Variants in RALYL observed in about 807,000 individuals in gnomAD.
RALYL encodes the protein RNA-binding Raly-like protein.
RALYL carries 29 observed loss-of-function variants against 35.1 expected under a neutral mutation model. That is an observed-to-expected ratio of 0.83 (90% confidence interval 0.61 to 1.13). The LOEUF (loss-of-function observed/expected upper bound fraction) is 1.13, where lower values mean the gene tolerates loss of function less well. RALYL is among the 50% of genes most tolerant of loss of function. RALYL has a pLI of 0.00. For synonymous variants in RALYL, 120 were observed against 127.6 expected (o/e 0.94, Z 0.40); for missense variants, 359 against 360.4 (o/e 1.00, Z 0.03).
intron 1 of RALYL, among the ~76,000 whole-genome samples, chr8:84,469,356 C>G (rs1226650812): frequency 6.6e-5 from 10 of 152,038 alleles, no homozygotes; most frequent in Non-Finnish European, 8.8e-5. Context: ...AGTTTTCCTT[C>G]TAACAGAGAG....
At chr8:84,444,238 A>G (rs2133041318) in intron 1 of RALYL, among the ~76,000 whole-genome samples, 1 of 152,194 alleles carries the variant, frequency 6.6e-6, no homozygotes, top group African/African-American at 2.4e-5. Context: ...CTGAGGCGGG[A>G]GGATCCCTTG....
At chr8:84,812,384 G>A (rs1221241179) in intron 4 of RALYL, among the ~76,000 whole-genome samples, 2 of 152,134 alleles carry the variant, frequency 1.3e-5, no homozygotes, top group African/African-American at 4.8e-5. Context: ...GTGGTTTAAT[G>A]CTCTATTTTT....
chr8:84,223,209 C>CTCCCT lies in RALYL; in HGVS notation c.-24+38819_-24+38823dup, dbSNP rs57387257. ...CCTTCCCTTCCCTTCCCTTCCATTC[C>CTCCCT]TCCCTTCCCTTCCCTTCCCTTCCCT... On this transcript the variant is annotated intron_variant, in intron 1 of 8. Coordinates refer to ENST00000521268, the MANE Select transcript of RALYL (RefSeq NM_173848.7). Among the ~76,000 whole-genome samples the CTCCCT allele has an allele frequency of 7.2e-3, 642 of 88,870 alleles. 19 individuals are homozygous for CTCCCT. The highest frequency in any genetic ancestry group is 0.013 in the Middle Eastern group (2 of 160). The allele number at this position is 88,870 out of a possible 152,430, so 58.3% of individuals were successfully genotyped here. A position where few individuals can be genotyped will look rare whatever the true frequency, so the allele number is the denominator to read the frequency against.
In RALYL at chr8:84,404,911, ATTC is replaced by A. The variant is rs1456211351; in HGVS notation, c.-23-124383_-23-124381del. The stretch of plus-strand genomic sequence containing the variant: ...TCCACCCCAAATCAACAGACCATAC[ATTC>A]TTCTCAGCACAACATAACACTTATT... On this transcript the variant is annotated intron_variant, in intron 1 of 8. Coordinates refer to ENST00000521268, the MANE Select transcript of RALYL (RefSeq NM_173848.7). 9.2e-5 allele frequency among the ~76,000 whole-genome samples: 14 copies of A among 152,290 alleles called. No homozygotes were observed. The East Asian group carries it at 2.7e-3, about 29-fold the overall frequency.
chr8:84,844,434 A>T (rs1344396353), intron 4 of RALYL, among the ~76,000 whole-genome samples: 1 of 152,214 alleles, frequency 6.6e-6, no homozygotes, highest in African/African-American at 2.4e-5. Flanking sequence ...ATCTCACACC[A>T]GTTAGAATGG....
chr8:84,328,582 C>T (rs1262749969), intron 1 of RALYL, among the ~76,000 whole-genome samples: 1 of 152,132 alleles, frequency 6.6e-6, no homozygotes, highest in Non-Finnish European at 1.5e-5. Flanking sequence ...TGCCTCCCAG[C>T]TTATTATAGA....
chr8:84,765,871 C>A (rs138158682), intron 2 of RALYL, among the ~76,000 whole-genome samples: 74 of 150,772 alleles, frequency 4.9e-4, no homozygotes, highest in African/African-American at 1.4e-3. Flanking sequence ...AAAGATTTGT[C>A]TTTTAACCAA....
At chr8:84,440,101 A>C (rs2048174035) in intron 1 of RALYL, among the ~76,000 whole-genome samples, 1 of 152,136 alleles carries the variant, frequency 6.6e-6, no homozygotes, top group Non-Finnish European at 1.5e-5. Context: ...GCTTACTGCA[A>C]AATTTCTTTA....
intron 1 of RALYL, among the ~76,000 whole-genome samples, chr8:84,459,165 C>T (rs2050465702): frequency 6.6e-6 from 1 of 151,532 alleles, no homozygotes; most frequent in African/African-American, 2.4e-5. Flanking sequence ...AGATGTCAAC[C>T]TAACAGAGAA....
intron 1 of RALYL, among the ~76,000 whole-genome samples, chr8:84,436,783 C>G (rs2047778728): frequency 6.6e-6 from 1 of 151,316 alleles, no homozygotes; most frequent in African/African-American, 2.4e-5. Flanking sequence ...CCATGACTCT[C>G]AAAAGTTTCT....
At chr8:84,890,840 TA>T (rs1235071287) in intron 8 of RALYL, among the ~76,000 whole-genome samples, 1 of 150,786 alleles carries the variant, frequency 6.6e-6, no homozygotes, top group Non-Finnish European at 1.5e-5. Flanking sequence ...AGGATATTAG[TA>T]AAAAAATAAA....
chr8:84,377,037 A>G (rs1404611848), intron 1 of RALYL, among the ~76,000 whole-genome samples: 1 of 151,894 alleles, frequency 6.6e-6, no homozygotes, highest in Non-Finnish European at 1.5e-5. Flanking sequence ...ATACTAAGTC[A>G]GGAATAAAAG....
At chr8:84,278,981 G>C (rs967509734) in intron 1 of RALYL, among the ~76,000 whole-genome samples, 2 of 152,118 alleles carry the variant, frequency 1.3e-5, no homozygotes, top group East Asian at 3.8e-4. Context: ...TACTGTATTA[G>C]TCTGTCCTCA....
chr8:84,817,910 C>T (rs902129695), intron 4 of RALYL, among the ~76,000 whole-genome samples: 5 of 152,114 alleles, frequency 3.3e-5, no homozygotes, highest in East Asian at 3.9e-4. Context: ...TCTGACACAT[C>T]GTAAACAGGA....
At chr8:84,396,410 A>C (rs2131880451) in intron 1 of RALYL, among the ~76,000 whole-genome samples, 1 of 152,196 alleles carries the variant, frequency 6.6e-6, no homozygotes, top group South Asian at 2.1e-4. Flanking sequence ...TTGTGCTTTA[A>C]AAACTCTGGT....
At chr8:84,564,884 A>G (rs1431596805) in intron 2 of RALYL, among the ~76,000 whole-genome samples, 3 of 151,688 alleles carry the variant, frequency 2.0e-5, no homozygotes, top group Non-Finnish European at 4.4e-5. Context: ...ATATAAAATA[A>G]GTTCATAAAA....
chr8:84,285,527 G>A (rs1837423527), intron 1 of RALYL, among the ~76,000 whole-genome samples: 2 of 152,238 alleles, frequency 1.3e-5, no homozygotes, highest in East Asian at 3.9e-4. Flanking sequence ...TATGGAACAT[G>A]GAAGGGGGAT....
At chr8:84,490,078 C>CGTGTGTGTGTGT (rs749952859) in intron 1 of RALYL, among the ~76,000 whole-genome samples, 1 of 91,846 alleles carries the variant, frequency 1.1e-5, no homozygotes, top group East Asian at 3.8e-4. Flanking sequence ...TGCTTGCGTG[C>CGTGTGTGTGTGT]ATGTGTGTGT....
At chr8:84,661,798 G>T (rs1830978981) in intron 2 of RALYL, among the ~76,000 whole-genome samples, 1 of 151,978 alleles carries the variant, frequency 6.6e-6, no homozygotes, top group Admixed American at 6.6e-5. Context: ...CCACCTAAGT[G>T]TATGGTTATT....
Sources: gnomAD v4.1 joint callset for allele counts (sites outside exome capture counted in the v4.1 genomes callset) on GRCh38, gnomAD v4.1.1 for gene constraint, MANE v1.5 for transcripts, NCBI Gene and HGNC (gene_info 2026-07-23, HGNC 2026-07-21) for gene names.